Variants in HSPA4L observed in about 807,000 individuals in gnomAD.
The protein encoded by HSPA4L is heat shock protein family A (Hsp70) member 4 like.
HSPA4L carries 48 observed loss-of-function variants against 100.3 expected under a neutral mutation model. The observed-to-expected ratio is 0.48, with a 90% CI of 0.38 to 0.61. HSPA4L has a LOEUF of 0.61. Ranked by LOEUF, HSPA4L falls within the 20% of genes least tolerant of loss-of-function variation. HSPA4L has a pLI of 0.00. For synonymous variants in HSPA4L, 319 were observed against 328.2 expected (o/e 0.97, Z 0.30); for missense variants, 886 against 988.6 (o/e 0.90, Z 1.39).
In HSPA4L at chr4:127,833,270, CAAATG is replaced by C; in HGVS notation, c.*400_*404del. On this transcript the variant is annotated 3_prime_UTR_variant, in exon 19 of 19. Coordinates refer to ENST00000296464, the MANE Select transcript of HSPA4L (RefSeq NM_014278.4). ...TTAATTGCATCTTTATTTTGAAAAA[CAAATG>C]AAAATTGATGGGGTTTAAAGCTACA... 1 of 156,064 alleles carries C rather than the reference CAAATG, an allele frequency of 6.4e-6. No homozygotes were observed. The highest frequency in any genetic ancestry group is 1.4e-5 in the Non-Finnish European group (1 of 70,488). 9.7% of individuals were successfully genotyped at this position (156,064 alleles called of 1,614,324 possible). A position where few individuals can be genotyped will look rare whatever the true frequency, so the allele number is the denominator to read the frequency against.
rs935963483 is a variant in HSPA4L, at chr4:127,820,028, T to C, written c.1675-400T>C. On this transcript the variant is annotated intron_variant, in intron 13 of 18. Coordinates refer to ENST00000296464, the MANE Select transcript of HSPA4L (RefSeq NM_014278.4). ...TAATTGTTTAACATTTTTGTTAACA[T>C]TGTTTTGTTAAGATTGTCATCTTGA... 3.3e-5 allele frequency among the ~76,000 whole-genome samples: 5 copies of C among 152,190 alleles called. No individual in the cohort carries two copies. In the South Asian group the frequency reaches 1.0e-3, roughly 31 times the overall value.
In HSPA4L at chr4:127,839,811, T is replaced by G. The variant is rs1409621138; in HGVS notation, c.*6937T>G. The G allele has an allele frequency of 6.6e-6, 1 of 152,230 alleles. No homozygotes were observed. The highest frequency in any genetic ancestry group is 2.4e-5 in the African/African-American group (1 of 41,458). The allele number at this position is 152,230 out of a possible 1,614,324, so 9.4% of individuals were successfully genotyped here. ...TTAATGTCTTGGAAAAAGACTCACATGAAAAGTGGCTTTTATATTTGGTAG... is the reference window on the plus strand; with the variant it reads ...TTAATGTCTTGGAAAAAGACTCACAGGAAAAGTGGCTTTTATATTTGGTAG... On this transcript the variant is annotated 3_prime_UTR_variant, in exon 19 of 19. Coordinates refer to ENST00000296464, the MANE Select transcript of HSPA4L (RefSeq NM_014278.4).
chr4:127,805,702 C>T lies in HSPA4L; in HGVS notation c.1153C>T (p.Pro385Ser). Residue 385 changes from proline to serine, a missense_variant, in exon 10 of 19, where the codon CCA becomes TCA. Physicochemically the swap from Pro to Ser is moderately conservative, Grantham distance 74. Coordinates refer to ENST00000296464, the MANE Select transcript of HSPA4L (RefSeq NM_014278.4). Reference protein sequence around the residue: ...GCALQCAILSPAFKVREFSIT... With the variant: ...GCALQCAILSSAFKVREFSIT... ...TTATTTTCAGTGTGCGATTCTCTCA[C>T]CAGCATTTAAAGTGCGTGAATTTTC... is the stretch of plus-strand genomic sequence containing the variant. 1 of 1,611,430 alleles carries T rather than the reference C, an allele frequency of 6.2e-7. No homozygotes were observed. Among genetic ancestry groups the T allele is most frequent in the Non-Finnish European group, 8.5e-7 (1 of 1,178,140 alleles).
intron 10 of HSPA4L, 129 bp from the exon 11 acceptor site, chr4:127,807,867 T>G: frequency 1.1e-6 from 1 of 873,994 alleles, no homozygotes; most frequent in South Asian, 1.9e-5. Flanking sequence ...CAGTAATTGT[T>G]TTTTCTTTTT....
intron 16 of HSPA4L, among the ~76,000 whole-genome samples, chr4:127,825,915 A>G (rs1733937446): frequency 6.7e-6 from 1 of 150,250 alleles, no homozygotes; most frequent in African/African-American, 2.5e-5. Context: ...AACAAGAGCA[A>G]AACTCCATCT....
At position 127,808,118 on chromosome 4, in the gene HSPA4L, A is replaced by G; in HGVS notation, c.1367A>G (p.Asp456Gly). 1 of 1,591,594 alleles carries G rather than the reference A, an allele frequency of 6.3e-7. No individual in the cohort carries two copies. Among genetic ancestry groups the G allele is most frequent in the Non-Finnish European group, 8.5e-7 (1 of 1,173,434 alleles). Reference protein sequence around the residue: ...YTNLHEVPYPDARIGSFTIQN... With the variant: ...YTNLHEVPYPGARIGSFTIQN... ...AATTTACATGAAGTGCCTTATCCTGATGCAAGAATTGGTAAGATAAAAAAA... is the reference window on the plus strand; with the variant it reads ...AATTTACATGAAGTGCCTTATCCTGGTGCAAGAATTGGTAAGATAAAAAAA... Residue 456 changes from aspartate (D) to glycine (G), a missense_variant, in exon 11 of 19, where the codon GAT (aspartate) becomes GGT (glycine). Coordinates refer to ENST00000296464, the MANE Select transcript of HSPA4L (RefSeq NM_014278.4).
rs529616629 is a variant in HSPA4L, at chr4:127,782,332, G to A, written c.-219G>A. On this transcript the variant is annotated 5_prime_UTR_variant, in exon 1 of 19. Coordinates refer to ENST00000296464, the MANE Select transcript of HSPA4L (RefSeq NM_014278.4). ...AGGCGGCCGAACCGCAGTAGGGAAA[G>A]ACCCAGGCTGCGGGACGCGGTGCAG... 5.5e-6 allele frequency: 3 copies of A among 545,590 alleles called. No individual in the cohort carries two copies. The highest frequency in any genetic ancestry group is 6.4e-5 in the Admixed American group (2 of 31,240). The allele number at this position is 545,590 out of a possible 1,614,324, so 33.8% of individuals were successfully genotyped here.
In HSPA4L at chr4:127,794,095, A is replaced by T. The variant is rs767436936; in HGVS notation, c.126A>T (p.Gly42=). 1 of 1,610,638 alleles carries T rather than the reference A, an allele frequency of 6.2e-7. No homozygotes were observed. Among genetic ancestry groups the T allele is most frequent in the Non-Finnish European group, 8.5e-7 (1 of 1,177,818 alleles). Residue 42 remains glycine, a synonymous_variant, in exon 2 of 19, where the codon GGA becomes GGT. Coordinates refer to ENST00000296464, the MANE Select transcript of HSPA4L (RefSeq NM_014278.4). ...DRCTPACISL[G]SRTRAIGNAA... ...GGTTTAGGGCCTGTATATCATTGGG[A>T]TCAAGAACTCGAGCCATTGGAAATG...
chr4:127,786,922 A>G (rs1209876591), intron 1 of HSPA4L, among the ~76,000 whole-genome samples: 1 of 152,250 alleles, frequency 6.6e-6, no homozygotes, highest in African/African-American at 2.4e-5. Context: ...GATACTTCTC[A>G]GAGGTAGAAT....
chr4:127,801,018 CT>C, intron 4 of HSPA4L, 119 bp from the exon 5 acceptor site: 1 of 630,406 alleles, frequency 1.6e-6, no homozygotes. Context: ...TATTTTTCCT[CT>C]TTAGTTAGAA....
intron 16 of HSPA4L, among the ~76,000 whole-genome samples, chr4:127,825,249 T>C (rs578031842): frequency 6.6e-6 from 1 of 152,286 alleles, no homozygotes; most frequent in African/African-American, 2.4e-5. Flanking sequence ...ACCTGGGTGC[T>C]TATTGAAATG....
At chr4:127,826,235 C>T (rs1733946283) in intron 16 of HSPA4L, among the ~76,000 whole-genome samples, 1 of 152,034 alleles carries the variant, frequency 6.6e-6, no homozygotes, top group Admixed American at 6.6e-5. Context: ...AAGCAAGACC[C>T]CATCTCTACA....
chr4:127,804,964 A>AT (rs1298385341), intron 8 of HSPA4L, 109 bp from the exon 9 acceptor site: 4 of 623,588 alleles, frequency 6.4e-6, no homozygotes, highest in Non-Finnish European at 1.1e-5. Flanking sequence ...CTTCCCTTTT[A>AT]TTTTCTGACA....
intron 15 of HSPA4L, among the ~76,000 whole-genome samples, chr4:127,823,189 C>T (rs1269612847): frequency 6.6e-6 from 1 of 152,118 alleles, no homozygotes; most frequent in Non-Finnish European, 1.5e-5. Flanking sequence ...AGCTCTGTCG[C>T]CCAGGCTGGA....
rs1215605546 is a variant in HSPA4L at position 127,836,914 on chromosome 4, A to T, written c.*4040A>T. On this transcript the variant is annotated 3_prime_UTR_variant, in exon 19 of 19. Transcript: ENST00000296464. ...ATTCTTAAGTTATTGGTAAAATATA[A>T]CTTTCTCAGTTTTTAAAAGTTTACA... 6.6e-6 allele frequency: 1 copy of T among 151,998 alleles called. No individual in the cohort carries two copies. The highest frequency in any genetic ancestry group is 2.1e-4 in the South Asian group (1 of 4,808). The allele number at this position is 151,998 out of a possible 1,614,324, so 9.4% of individuals were successfully genotyped here.
At chr4:127,813,875 ACC>A (rs1491216954) in intron 12 of HSPA4L, among the ~76,000 whole-genome samples, 1 of 151,932 alleles carries the variant, frequency 6.6e-6, no homozygotes, top group African/African-American at 2.4e-5. Context: ...TGATCTCCTG[ACC>A]TCCTGATCCA....
intron 10 of HSPA4L, among the ~76,000 whole-genome samples, chr4:127,807,238 A>G (rs1733384874): frequency 6.6e-6 from 1 of 152,036 alleles, no homozygotes; most frequent in South Asian, 2.1e-4. Flanking sequence ...GGCCACTATA[A>G]CAAATAGTCA....
At chr4:127,781,958 T>G (rs1304175481), upstream of HSPA4L, 1 of 424,376 alleles carries the variant, frequency 2.4e-6, no homozygotes, top group Non-Finnish European at 4.8e-6. Context: ...CCCAAAAATG[T>G]GCCTCAAAAC....
At chr4:127,823,192 AGGCTGGAGTGCAGTGGCAC>A (rs1733858106) in intron 15 of HSPA4L, among the ~76,000 whole-genome samples, 1 of 152,056 alleles carries the variant, frequency 6.6e-6, no homozygotes, top group Admixed American at 6.6e-5. Flanking sequence ...TCTGTCGCCC[AGGCTGGAGTGCAGTGGCAC>A]GATTTCAGCT....
Sources: gnomAD v4.1 joint callset for allele counts (sites outside exome capture counted in the v4.1 genomes callset) on GRCh38, gnomAD v4.1.1 for gene constraint, MANE v1.5 for transcripts, NCBI Gene and HGNC (gene_info 2026-07-23, HGNC 2026-07-21) for gene names.